The following DCDC1 variants were observed in gnomAD, a reference collection of about 807,000 sequenced individuals.
The protein encoded by DCDC1 is doublecortin domain containing 1, also known as doublecortin domain-containing protein 1.
A neutral mutation model predicts 178.3 loss-of-function variants in DCDC1; 200 were observed. The observed-to-expected ratio is 1.12, with a 90% CI of 1.00 to 1.26. The LOEUF is 1.26. Among genes scored for constraint, DCDC1 ranks in the 50% most tolerant of loss-of-function variants. DCDC1 has a pLI of 0.00. For synonymous variants in DCDC1, 690 were observed against 604.8 expected (o/e 1.14, Z -2.07); for missense variants, 1,983 against 1,749.2 (o/e 1.13, Z -2.38).
At chr11:31,031,443 T>G (rs1275305516) in intron 20 of DCDC1, among the ~76,000 whole-genome samples, 1 of 152,112 alleles carries the variant, frequency 6.6e-6, no homozygotes, top group East Asian at 1.9e-4. Context: ...ATTATTATAC[T>G]TTTTTGGAGA....
intron 29 of DCDC1, among the ~76,000 whole-genome samples, chr11:30,907,325 C>A (rs557798594): frequency 2.0e-5 from 3 of 152,282 alleles, no homozygotes; most frequent in South Asian, 2.1e-4. Flanking sequence ...GAAATTGTGG[C>A]AGATTATTTG....
At chr11:31,276,515 G>A (rs1946000961) in intron 7 of DCDC1, among the ~76,000 whole-genome samples, 1 of 151,734 alleles carries the variant, frequency 6.6e-6, no homozygotes, top group Non-Finnish European at 1.5e-5. Flanking sequence ...AATAGTTTAT[G>A]AATTTTCCAA....
chr11:30,920,180 G>A (rs1946142891), intron 25 of DCDC1, among the ~76,000 whole-genome samples: 1 of 152,156 alleles, frequency 6.6e-6, no homozygotes, highest in Admixed American at 6.5e-5. Flanking sequence ...AGAGACAGTG[G>A]GCATGGGAAT....
chr11:30,876,948 G>A (rs1942190566), intron 38 of DCDC1, among the ~76,000 whole-genome samples: 1 of 151,610 alleles, frequency 6.6e-6, no homozygotes, highest in Non-Finnish European at 1.5e-5. Context: ...AAAAAGAAAA[G>A]GCAAAACAGA....
At chr11:30,944,450 T>C in intron 21 of DCDC1, 1 of 384,360 alleles carries the variant, frequency 2.6e-6, no homozygotes, top group Non-Finnish European at 5.2e-6. Flanking sequence ...AATGCCACAA[T>C]ATGAGTGTCA....
At chr11:30,989,700 G>A (rs1236325116) in intron 20 of DCDC1, among the ~76,000 whole-genome samples, 1 of 152,150 alleles carries the variant, frequency 6.6e-6, no homozygotes, top group Non-Finnish European at 1.5e-5. Flanking sequence ...TATTTATAGA[G>A]TCGGAGAAAG....
chr11:31,048,856 CAA>C (rs1027590030), intron 20 of DCDC1, among the ~76,000 whole-genome samples: 1 of 144,092 alleles, frequency 6.9e-6, no homozygotes, highest in Admixed American at 6.9e-5. Context: ...GACTCCGTCT[CAA>C]AAAAAAAAGG....
intron 34 of DCDC1, among the ~76,000 whole-genome samples, chr11:30,895,245 G>T (rs1944108281): frequency 6.6e-6 from 1 of 152,114 alleles, no homozygotes; most frequent in African/African-American, 2.4e-5. Context: ...CAAACATGTT[G>T]GAGAATGAGT....
chr11:31,278,593 T>C (rs1412574899), intron 7 of DCDC1, among the ~76,000 whole-genome samples: 2 of 152,128 alleles, frequency 1.3e-5, no homozygotes, highest in African/African-American at 2.4e-5. Flanking sequence ...AAGAGAATGA[T>C]TGTATATCAT....
At chr11:31,198,996 G>A (rs574477603) in intron 9 of DCDC1, among the ~76,000 whole-genome samples, 2 of 151,978 alleles carry the variant, frequency 1.3e-5, no homozygotes, top group East Asian at 3.9e-4. Context: ...ACATGTAGTT[G>A]TCAATAAAAA....
At chr11:31,105,063 C>T (rs1326807222) in intron 13 of DCDC1, among the ~76,000 whole-genome samples, 1 of 152,050 alleles carries the variant, frequency 6.6e-6, no homozygotes, top group African/African-American at 2.4e-5. Context: ...ATTTACTTAA[C>T]ACGTATTGCA....
At chr11:31,284,820 G>T (rs1332285989) in intron 7 of DCDC1, among the ~76,000 whole-genome samples, 1 of 151,764 alleles carries the variant, frequency 6.6e-6, no homozygotes, top group African/African-American at 2.4e-5. Context: ...TGTATTTTTA[G>T]TAGAGACAGG....
intron 21 of DCDC1, chr11:30,943,086 CATGTCT>C (rs1947770636): frequency 6.6e-6 from 1 of 152,054 alleles, no homozygotes; most frequent in Non-Finnish European, 1.5e-5. Flanking sequence ...TGTTCCCATG[CATGTCT>C]TTATTGGTTT....
intron 3 of DCDC1, among the ~76,000 whole-genome samples, chr11:31,324,311 GA>G (rs202004473): frequency 5.0e-5 from 7 of 140,120 alleles, no homozygotes; most frequent in Non-Finnish European, 7.8e-5. Context: ...CCACCCAAAG[GA>G]AAAAAAAAAG....
chr11:30,999,764 A>C (rs1049568614), intron 20 of DCDC1, among the ~76,000 whole-genome samples: 24 of 152,192 alleles, frequency 1.6e-4, no homozygotes, highest in Non-Finnish European at 1.8e-4. Flanking sequence ...ATTTTTAAGA[A>C]AATATAAACC....
At chr11:30,946,138 G>T (rs1048607455) in intron 21 of DCDC1, among the ~76,000 whole-genome samples, 1 of 152,086 alleles carries the variant, frequency 6.6e-6, no homozygotes, top group East Asian at 1.9e-4. Context: ...CCATATGGAG[G>T]TACTTGTGAT....
At chr11:31,358,542 T>C (rs1290292942) in intron 1 of DCDC1, among the ~76,000 whole-genome samples, 3 of 151,382 alleles carry the variant, frequency 2.0e-5, no homozygotes, top group African/African-American at 7.3e-5. Flanking sequence ...GGACTTCATG[T>C]CTAAAACACC....
intron 23 of DCDC1, among the ~76,000 whole-genome samples, chr11:30,923,499 G>C (rs545584662): frequency 1.7e-3 from 248 of 149,580 alleles, no homozygotes; most frequent in Non-Finnish European, 2.8e-3. Context: ...ATTGAGAAAG[G>C]CTCAGTAAGA....
At chr11:30,872,827 T>A (rs1389184649) in intron 38 of DCDC1, among the ~76,000 whole-genome samples, 1 of 152,036 alleles carries the variant, frequency 6.6e-6, no homozygotes, top group African/African-American at 2.4e-5. Context: ...CTTAACACAA[T>A]GTGTAACTAT....
Sources: allele counts gnomAD v4.1 joint callset (sites outside exome capture counted in the v4.1 genomes callset), GRCh38; gene constraint gnomAD v4.1.1; transcripts MANE v1.5; gene names NCBI Gene and HGNC (gene_info 2026-07-23, HGNC 2026-07-21).